Variants in KCND3 observed in about 807,000 individuals in gnomAD.
KCND3 encodes the protein A-type voltage-gated potassium channel KCND3.
A neutral mutation model predicts 51.1 loss-of-function variants in KCND3; 9 were observed. The observed-to-expected ratio is 0.18, with a 90% confidence interval of 0.11 to 0.31. KCND3 has a LOEUF of 0.31. Ranked by LOEUF, KCND3 falls within the 10% of genes least tolerant of loss-of-function variation. KCND3 has a pLI of 1.00. For synonymous variants in KCND3, 349 were observed against 368.0 expected (o/e 0.95, Z 0.59); for missense variants, 526 against 903.8 (o/e 0.58, Z 5.36).
At chr1:111,958,223 T>G (rs1400833191) in intron 2 of KCND3, among the ~76,000 whole-genome samples, 1 of 152,160 alleles carries the variant, frequency 6.6e-6, no homozygotes, top group African/African-American at 2.4e-5. Context: ...ATAAGGATCC[T>G]AATCCAACTC....
intron 2 of KCND3, among the ~76,000 whole-genome samples, chr1:111,824,441 T>C (rs1666486470): frequency 6.6e-6 from 1 of 152,310 alleles, no homozygotes; most frequent in East Asian, 1.9e-4. Context: ...CACACACCAC[T>C]TGCATTACTG....
chr1:111,829,231 A>G (rs766538944), intron 2 of KCND3, among the ~76,000 whole-genome samples: 4 of 152,222 alleles, frequency 2.6e-5, no homozygotes, highest in Non-Finnish European at 5.9e-5. Flanking sequence ...GCGACCTAAA[A>G]TGAAAGGGGA....
Position 111,780,599 on chromosome 1 carries a change from G to A in KCND3, c.1371+91C>T, listed in dbSNP as rs1664333607. The A allele has an allele frequency of 1.7e-6, 2 of 1,151,146 alleles. No homozygotes were observed. The highest frequency in any genetic ancestry group is 2.6e-6 in the Non-Finnish European group (2 of 782,446). 71.3% of individuals were successfully genotyped at this position (1,151,146 alleles called of 1,614,324 possible). ...GTGTCCTCCTTGGGGTTCATACTGG[G>A]GCTCTGGTGAGAGTGCTGGTGTCCC... On this transcript the variant is annotated intron_variant, in intron 4 of 7. Coordinates refer to ENST00000302127, the MANE Select transcript of KCND3 (RefSeq NM_001378969.1). This position sits in a 1 kb window ranked among gnomAD's most constrained non-coding sequence, Gnocchi z 4.2.
chr1:111,880,104 A>G (rs1021331953), intron 2 of KCND3, among the ~76,000 whole-genome samples: 25 of 152,360 alleles, frequency 1.6e-4, no homozygotes, highest in Non-Finnish European at 3.5e-4. Flanking sequence ...CCATTAGCAG[A>G]TGTTTTTAAG....
At chr1:111,826,412 C>A (rs1048095141) in intron 2 of KCND3, among the ~76,000 whole-genome samples, 10 of 152,106 alleles carry the variant, frequency 6.6e-5, no homozygotes, top group Non-Finnish European at 1.3e-4. Context: ...TTAGAGTGTG[C>A]AGCCATGGAC....
chr1:111,860,680 C>A lies in KCND3; in HGVS notation c.1107-73574G>T, dbSNP rs145994749. On this transcript the variant is annotated intron_variant, in intron 2 of 7. Transcript: ENST00000302127. The stretch of plus-strand genomic sequence containing the variant: ...CAGTTTAGTTCCCAGGATGAGCCTG[C>A]GATTATGTCTGCCTCAGCAGGGAGG... 5.9e-3 allele frequency among the ~76,000 whole-genome samples: 902 copies of A among 152,292 alleles called. 5 individuals are homozygous for A. Among genetic ancestry groups the A allele is most frequent in the East Asian group, 0.016 (82 of 5,180 alleles).
chr1:111,814,298 G>A (rs979945995), intron 2 of KCND3, among the ~76,000 whole-genome samples: 4 of 152,234 alleles, frequency 2.6e-5, no homozygotes, highest in Admixed American at 6.5e-5. Context: ...AAGGCAGCAC[G>A]GGGAGCTCTG....
intron 2 of KCND3, among the ~76,000 whole-genome samples, chr1:111,969,954 C>T (rs944672363): frequency 6.6e-6 from 1 of 152,114 alleles, no homozygotes; most frequent in African/African-American, 2.4e-5. Flanking sequence ...CCTTCACTGT[C>T]TCTCCTCTTA....
At chr1:111,968,934 A>G (rs1324031040) in intron 2 of KCND3, among the ~76,000 whole-genome samples, 1 of 152,100 alleles carries the variant, frequency 6.6e-6, no homozygotes, top group East Asian at 1.9e-4. Context: ...ATCTCTCAAG[A>G]GCAGGAGACG....
chr1:111,834,698 A>T (rs1666993348), intron 2 of KCND3, among the ~76,000 whole-genome samples: 1 of 152,228 alleles, frequency 6.6e-6, no homozygotes, highest in Admixed American at 6.5e-5. Context: ...CCTCAGAATT[A>T]AGCCCAAATC....
At chr1:111,860,327 G>A (rs1009493462) in intron 2 of KCND3, among the ~76,000 whole-genome samples, 3 of 152,184 alleles carry the variant, frequency 2.0e-5, no homozygotes, top group South Asian at 2.1e-4. Context: ...ACTAATAAAC[G>A]CAGAAGCTGG....
At chr1:111,940,965 G>A (rs1404521872) in intron 2 of KCND3, among the ~76,000 whole-genome samples, 1 of 152,196 alleles carries the variant, frequency 6.6e-6, no homozygotes, top group East Asian at 1.9e-4. Flanking sequence ...AGCAGGGACT[G>A]TGTTTGCCTT....
chr1:111,776,572 A>G (rs1664124849), intron 7 of KCND3, among the ~76,000 whole-genome samples: 1 of 152,178 alleles, frequency 6.6e-6, no homozygotes, highest in African/African-American at 2.4e-5. Flanking sequence ...ATTCTCTGCA[A>G]CGCATTTGGA....
intron 2 of KCND3, among the ~76,000 whole-genome samples, chr1:111,966,645 C>T (rs1379693984): frequency 6.6e-6 from 1 of 152,196 alleles, no homozygotes; most frequent in Admixed American, 6.5e-5. Context: ...ACAGATGTAT[C>T]ACAGGTCCTC....
At chr1:111,913,130 A>G (rs1215845613) in intron 2 of KCND3, among the ~76,000 whole-genome samples, 1 of 86,046 alleles carries the variant, frequency 1.2e-5, no homozygotes, top group Non-Finnish European at 3.1e-5. Flanking sequence ...CTGTATTTTT[A>G]CTGTACCTTT....
chr1:111,828,045 C>G lies in KCND3; in HGVS notation c.1107-40939G>C, dbSNP rs112727291. On this transcript the variant is annotated intron_variant, in intron 2 of 7. Coordinates refer to ENST00000302127, the MANE Select transcript of KCND3 (RefSeq NM_001378969.1). ...GAATTCTTGGAAGAGGGAGAGCAGA[C>G]AGCTGCCTTTTGTTTATGGGCTTCT... Among the ~76,000 whole-genome samples the G allele has an allele frequency of 1.6e-3, 242 of 152,308 alleles. 1 individual carries two copies. Among genetic ancestry groups the G allele is most frequent in the African/African-American group, 5.5e-3 (229 of 41,566 alleles).
At chr1:111,854,987 A>G (rs1391862871) in intron 2 of KCND3, among the ~76,000 whole-genome samples, 2 of 152,156 alleles carry the variant, frequency 1.3e-5, no homozygotes, top group Non-Finnish European at 2.9e-5. Context: ...CCTGTCACAG[A>G]GTAAGGTACC....
At chr1:111,857,452 C>T (rs7548203) in intron 2 of KCND3, among the ~76,000 whole-genome samples, 33 of 152,260 alleles carry the variant, frequency 2.2e-4, no homozygotes, top group African/African-American at 6.3e-4. Context: ...GGCTGAGCTC[C>T]GAAGGCTTCT....
At chr1:111,813,305 C>T (rs147574736) in intron 2 of KCND3, among the ~76,000 whole-genome samples, 5 of 152,270 alleles carry the variant, frequency 3.3e-5, no homozygotes, top group African/African-American at 7.2e-5. Context: ...AATTAATGCA[C>T]GATCCAATTT....
Sources: gnomAD v4.1 joint callset for allele counts (sites outside exome capture counted in the v4.1 genomes callset) on GRCh38, gnomAD v4.1.1 for gene constraint, Gnocchi (gnomAD v3.1) non-coding constraint, MANE v1.5 for transcripts, NCBI Gene and HGNC (gene_info 2026-07-23, HGNC 2026-07-21) for gene names.